ATP9A: variants seen among roughly 807,000 people sequenced by gnomAD.
ATP9A encodes the protein ATPase phospholipid transporting 9A, also known as probable phospholipid-transporting ATPase IIA.
A neutral mutation model predicts 144.1 loss-of-function variants in ATP9A; 52 were observed. That is an observed-to-expected ratio of 0.36 (90% confidence interval 0.29 to 0.45). The LOEUF is 0.45. Ranked by LOEUF, ATP9A falls within the 20% of genes least tolerant of loss-of-function variation. The pLI, the probability that ATP9A is intolerant of heterozygous loss-of-function variation, is 1.00. For missense variants in ATP9A, 947 were observed against 1,392.7 expected, an observed-to-expected ratio of 0.68 and a Z score of 5.09; for synonymous variants, 582 against 557.4, an observed-to-expected ratio of 1.04 and a Z score of -0.62.
At chr20:51,636,699 C>T (rs1431939328) in intron 15 of ATP9A, among the ~76,000 whole-genome samples, 2 of 152,198 alleles carry the variant, frequency 1.3e-5, no homozygotes, top group Non-Finnish European at 2.9e-5. Flanking sequence ...TCTGAGCCTC[C>T]TTCCACTTCA....
At chr20:51,766,859 A>C (rs934540371) in intron 1 of ATP9A, among the ~76,000 whole-genome samples, 2 of 151,982 alleles carry the variant, frequency 1.3e-5, no homozygotes, top group South Asian at 4.2e-4. Flanking sequence ...AATAATACTA[A>C]TAATAATAAA....
Position 51,712,958 on chromosome 20 carries a change from A to G in ATP9A, c.436+8T>C. 3 of 1,603,336 alleles carry G rather than the reference A, an allele frequency of 1.9e-6. No individual in the cohort carries two copies. The highest frequency in any genetic ancestry group is 2.6e-6 in the Non-Finnish European group (3 of 1,174,584). On this transcript the variant is annotated splice_region_variant and intron_variant, in intron 4 of 27. Coordinates refer to ENST00000338821, the MANE Select transcript of ATP9A (RefSeq NM_006045.3). ...GCAACCCTGTGGCCCAGGAGCCAGAAGGCTGACCTCGTGCTGTGAGCCGGC... is the reference window on the plus strand; with the variant it reads ...GCAACCCTGTGGCCCAGGAGCCAGAGGGCTGACCTCGTGCTGTGAGCCGGC...
intron 1 of ATP9A, among the ~76,000 whole-genome samples, chr20:51,741,318 C>T (rs900165084): frequency 2.0e-5 from 3 of 152,106 alleles, no homozygotes; most frequent in Non-Finnish European, 2.9e-5. Flanking sequence ...CGGTGGCTCA[C>T]GCCTGTAATC....
chr20:51,690,757 G>A lies in ATP9A; in HGVS notation c.705C>T (p.Phe235=), dbSNP rs45470394. ...AEEPNIDIHN[F]VGTFTREDSD... Reference sequence around the variant, plus strand: ...CACTTACTCGGGTAAAAGTTCCCACGAAGTTGTGAATGTCAATATTTGGCT... The same window carrying A: ...CACTTACTCGGGTAAAAGTTCCCACAAAGTTGTGAATGTCAATATTTGGCT... The change falls in exon 8 of 28, where the codon TTC becomes TTT. Residue 235 remains phenylalanine, a synonymous_variant. Coordinates refer to ENST00000338821, the MANE Select transcript of ATP9A (RefSeq NM_006045.3). 7.5e-3 allele frequency: 12,163 copies of A among 1,614,030 alleles called. 56 individuals are homozygous for A. Among genetic ancestry groups the A allele is most frequent in the Non-Finnish European group, 8.7e-3 (10,269 of 1,179,918 alleles).
In ATP9A at chr20:51,725,915, G is replaced by A. The variant is rs1345076373; in HGVS notation, c.231C>T (p.Phe77=). The change falls in exon 3 of 28, where the codon TTC becomes TTT. Residue 77 remains phenylalanine (F), a synonymous_variant. Coordinates refer to ENST00000338821, the MANE Select transcript of ATP9A (RefSeq NM_006045.3). ...AGAAATAGAGGTTGAAAAAGTATTT[G>A]AACTGGTTGAACAGCACCTGGAATG... is the stretch of plus-strand genomic sequence containing the variant. ...TFLPGVLFNQ[F]KYFFNLYFLL... is the part of the protein sequence containing the mutation. The A allele has an allele frequency of 6.2e-7, 1 of 1,608,534 alleles. No individual in the cohort carries two copies. Among genetic ancestry groups the A allele is most frequent in the Non-Finnish European group, 8.5e-7 (1 of 1,175,024 alleles).
chr20:51,639,611 C>G, intron 14 of ATP9A, 107 bp from the exon 15 acceptor site: 5 of 1,201,164 alleles, frequency 4.2e-6, no homozygotes, highest in Non-Finnish European at 5.8e-6. Context: ...AGGGGAATCA[C>G]AGTAGTCACT....
chr20:51,617,462 G>A, intron 22 of ATP9A, 28 bp downstream of exon 22: 2 of 1,598,338 alleles, frequency 1.3e-6, no homozygotes, highest in South Asian at 2.3e-5. Flanking sequence ...TACAGCAAGT[G>A]GAGCCGAGCA....
At chr20:51,674,441 C>A in intron 10 of ATP9A, 128 bp from the exon 11 acceptor site, 4 of 890,442 alleles carry the variant, frequency 4.5e-6, no homozygotes, top group Non-Finnish European at 6.8e-6. Context: ...GAGAGCTGGT[C>A]CTTCCCCTAC....
intron 13 of ATP9A, among the ~76,000 whole-genome samples, chr20:51,668,647 G>A (rs1393904439): frequency 2.6e-5 from 4 of 152,114 alleles, no homozygotes; most frequent in African/African-American, 7.2e-5. Context: ...GAAGTTCCTC[G>A]TGATTTCTTA....
chr20:51,623,597 A>G (rs1032697369), intron 18 of ATP9A, among the ~76,000 whole-genome samples: 3 of 152,162 alleles, frequency 2.0e-5, no homozygotes, highest in African/African-American at 7.2e-5. Flanking sequence ...CCTGACCAAC[A>G]TGGAGAAAAC....
chr20:51,684,739 G>A (rs1037726879), intron 9 of ATP9A, among the ~76,000 whole-genome samples: 2 of 150,034 alleles, frequency 1.3e-5, no homozygotes, highest in Non-Finnish European at 3.0e-5. Flanking sequence ...GCCTGGGCGC[G>A]GTGGCTCACG....
intron 15 of ATP9A, among the ~76,000 whole-genome samples, chr20:51,636,729 A>G (rs1406063949): frequency 6.7e-6 from 1 of 148,596 alleles, no homozygotes; most frequent in Non-Finnish European, 1.5e-5. Context: ...CCTGCCAAAC[A>G]TCAGTCCTAA....
intron 6 of ATP9A, among the ~76,000 whole-genome samples, chr20:51,694,457 G>A (rs771496763): frequency 2.1e-4 from 32 of 152,180 alleles, no homozygotes; most frequent in Non-Finnish European, 1.0e-4. Context: ...ATTCCGAGCC[G>A]TCTGGCCAGG....
At chr20:51,695,957 A>G (rs1012406188) in intron 6 of ATP9A, 136 bp downstream of exon 6, 28 of 746,740 alleles carry the variant, frequency 3.7e-5, no homozygotes, top group Non-Finnish European at 6.2e-5. Flanking sequence ...AGCACGGTCT[A>G]TTTAAAAAGA....
At chr20:51,630,946 A>T (rs2077267420) in intron 15 of ATP9A, among the ~76,000 whole-genome samples, 1 of 152,254 alleles carries the variant, frequency 6.6e-6, no homozygotes, top group Admixed American at 6.5e-5. Flanking sequence ...CCCTGGGTCT[A>T]GGGAGTAACA....
chr20:51,708,742 TAAAC>T (rs1052690653), intron 4 of ATP9A, among the ~76,000 whole-genome samples: 2 of 151,940 alleles, frequency 1.3e-5, no homozygotes, highest in African/African-American at 2.4e-5. Context: ...TCTCAATAAA[TAAAC>T]AAATAAATAA....
rs767455076 is a variant in ATP9A, at chr20:51,656,979, C to T, written c.1465G>A (p.Glu489Lys). The change falls in exon 14 of 28, where the codon GAA becomes AAA. Residue 489 changes from glutamate (E) to lysine (K), a missense_variant. Glu to Lys is a moderately conservative substitution (Grantham distance 56, BLOSUM62 1). Around this residue, in one of 2 missense-constraint regions of ATP9A, gnomAD observed 770 missense variants for 1,047.9 expected, o/e 0.73. Transcript: ENST00000338821. The stretch of plus-strand genomic sequence containing the variant: ...GCCTGGTATACGCGGCAGGAGTCTT[C>T]GTACTGCTTCTCGGCCTCAGCCTGA... ...TDQAEAEKQY[E>K]DSCRVYQASS... 2 of 1,614,174 alleles carry T rather than the reference C, an allele frequency of 1.2e-6. No individual in the cohort carries two copies. The highest frequency in any genetic ancestry group is 1.1e-5 in the South Asian group (1 of 91,078).
At chr20:51,624,289 A>G (rs537011016) in intron 18 of ATP9A, among the ~76,000 whole-genome samples, 18 of 152,288 alleles carry the variant, frequency 1.2e-4, no homozygotes, top group African/African-American at 4.1e-4. Flanking sequence ...CTGAAAGGAC[A>G]GGCCCCAGGA....
At chr20:51,697,603 G>T in intron 4 of ATP9A, 121 bp from the exon 5 acceptor site, 1 of 818,746 alleles carries the variant, frequency 1.2e-6, no homozygotes, top group Non-Finnish European at 2.0e-6. Context: ...CCCACACACA[G>T]CTGCCAGTGA....
Sources: gnomAD v4.1 joint callset for allele counts (sites outside exome capture counted in the v4.1 genomes callset) on GRCh38, gnomAD v4.1.1 for gene constraint, gnomAD v4.1.1 regional missense constraint, MANE v1.5 for transcripts, NCBI Gene and HGNC (gene_info 2026-07-23, HGNC 2026-07-21) for gene names.